Variants in SP3 observed in about 807,000 individuals in gnomAD.
The protein encoded by SP3 is Sp3 transcription factor.
SP3 carries 10 observed loss-of-function variants against 70.3 expected under a neutral mutation model. The observed-to-expected ratio is 0.14, with a 90% CI of 0.09 to 0.24. The LOEUF (loss-of-function observed/expected upper bound fraction) is 0.24, where lower values mean the gene tolerates loss of function less well. Among genes scored for constraint, SP3 ranks in the 10% least tolerant of loss-of-function variants. SP3 has a pLI of 1.00. For synonymous variants in SP3, 402 were observed against 333.5 expected, an observed-to-expected ratio of 1.21 and a Z score of -2.24; for missense variants, 825 against 914.6, an observed-to-expected ratio of 0.90 and a Z score of 1.26.
chr2:173,929,500 A>G (rs896924892), intron 4 of SP3, among the ~76,000 whole-genome samples: 2 of 152,192 alleles, frequency 1.3e-5, no homozygotes, highest in East Asian at 1.9e-4. Context: ...CCCTTCACAC[A>G]CACAATACAC....
intron 4 of SP3, among the ~76,000 whole-genome samples, chr2:173,923,340 C>A (rs1689809620): frequency 6.6e-6 from 1 of 151,508 alleles, no homozygotes; most frequent in Non-Finnish European, 1.5e-5. Context: ...GAGAAAAAAA[C>A]AGAAAATTTA....
At chr2:173,924,746 C>A (rs750666388) in intron 4 of SP3, among the ~76,000 whole-genome samples, 53 of 152,170 alleles carry the variant, frequency 3.5e-4, no homozygotes, top group Admixed American at 6.5e-4. Flanking sequence ...CCCTACCAGG[C>A]CAGTTCATTC....
intron 4 of SP3, among the ~76,000 whole-genome samples, chr2:173,950,165 C>T (rs183084999): frequency 1.3e-4 from 19 of 151,870 alleles, no homozygotes; most frequent in African/African-American, 4.6e-4. Context: ...GATTTGCCTT[C>T]TAAAGGATAA....
chr2:173,946,820 C>G (rs1198978050), intron 4 of SP3, among the ~76,000 whole-genome samples: 1 of 150,820 alleles, frequency 6.6e-6, no homozygotes, highest in African/African-American at 2.4e-5. Flanking sequence ...CTGCCAGGCT[C>G]AAGCAATCCT....
chr2:173,964,272 G>A (rs1691198519), intron 2 of SP3, 133 bp downstream of exon 2: 2 of 513,762 alleles, frequency 3.9e-6, no homozygotes, highest in African/African-American at 2.1e-5. Flanking sequence ...GGCAGCTCCC[G>A]GGGCGGGGGG....
intron 5 of SP3, 82 bp from the exon 6 acceptor site, chr2:173,913,348 T>C: frequency 9.6e-7 from 1 of 1,038,884 alleles, no homozygotes. Flanking sequence ...TATCCCCATG[T>C]TGAATTTTAA....
intron 4 of SP3, among the ~76,000 whole-genome samples, chr2:173,943,474 A>G (rs1574416089): frequency 6.6e-6 from 1 of 152,120 alleles, no homozygotes; most frequent in African/African-American, 2.4e-5. Context: ...TGGTTATTCC[A>G]TAACTCTGCT....
intron 2 of SP3, 28 bp from the exon 3 acceptor site, chr2:173,963,911 G>A (rs775657503): frequency 2.7e-5 from 39 of 1,428,528 alleles, no homozygotes; most frequent in East Asian, 8.7e-5. Context: ...GTTCAGAGAG[G>A]GAGACAGGGG....
At chr2:173,935,980 CCTTA>C (rs561465719) in intron 4 of SP3, among the ~76,000 whole-genome samples, 81 of 151,440 alleles carry the variant, frequency 5.3e-4, no homozygotes, top group African/African-American at 1.7e-3. Flanking sequence ...TTCCTTCCTT[CCTTA>C]CTTTCTCCCT....
At chr2:173,940,439 T>C (rs1690338280) in intron 4 of SP3, among the ~76,000 whole-genome samples, 1 of 152,230 alleles carries the variant, frequency 6.6e-6, no homozygotes, top group South Asian at 2.1e-4. Context: ...CAGCCAGTCA[T>C]GCTTATCGCC....
At chr2:173,921,191 A>G (rs1347578160) in intron 4 of SP3, among the ~76,000 whole-genome samples, 1 of 152,176 alleles carries the variant, frequency 6.6e-6, no homozygotes, top group Non-Finnish European at 1.5e-5. Flanking sequence ...TGTTAAAGAC[A>G]ATTTTTTTGC....
chr2:173,924,163 C>T (rs1229474349), intron 4 of SP3, among the ~76,000 whole-genome samples: 1 of 152,160 alleles, frequency 6.6e-6, no homozygotes, highest in African/African-American at 2.4e-5. Flanking sequence ...CCCCAAATGC[C>T]ATCTCCTTAG....
At chr2:173,946,696 T>C (rs1690548968) in intron 4 of SP3, among the ~76,000 whole-genome samples, 1 of 151,748 alleles carries the variant, frequency 6.6e-6, no homozygotes, top group Non-Finnish European at 1.5e-5. Context: ...TTCTGACATC[T>C]GTGTGGCTAA....
chr2:173,902,982 T>A lies in SP3; in HGVS notation c.*6959A>T, dbSNP rs778293151. ...AGTTGGGTGATAGATACTTAGGTAT[T>A]TGTTACATTGTTTTCTGCATTTTTC... On this transcript the variant is annotated 3_prime_UTR_variant, in exon 7 of 7. Coordinates refer to ENST00000310015, the MANE Select transcript of SP3 (RefSeq NM_003111.5). Among the ~76,000 whole-genome samples the A allele has an allele frequency of 5.3e-5, 8 of 152,200 alleles. No homozygotes were observed. Among genetic ancestry groups the A allele is most frequent in the Non-Finnish European group, 1.0e-4 (7 of 68,032 alleles).
At position 173,911,007 on chromosome 2, in the gene SP3, T is replaced by C. The variant is rs549597899; in HGVS notation, c.2030-750A>G. 1.4e-4 allele frequency among the ~76,000 whole-genome samples: 21 copies of C among 152,284 alleles called. No individual in the cohort carries two copies. The South Asian group carries it at 2.3e-3, about 17-fold the overall frequency. On this transcript the variant is annotated intron_variant, in intron 6 of 6. Transcript: ENST00000310015. The stretch of plus-strand genomic sequence containing the variant: ...TAAAAGGAATTCAGAGAGAAATCAA[T>C]AAAAATCAATCAATAAATCTAGTAA...
intron 4 of SP3, among the ~76,000 whole-genome samples, chr2:173,950,547 C>T (rs979614146): frequency 6.6e-6 from 1 of 151,502 alleles, no homozygotes; most frequent in African/African-American, 2.4e-5. Flanking sequence ...GGCATGGTGG[C>T]GCTAGCCTGT....
Position 173,955,427 on chromosome 2 carries a change from T to C in SP3, c.1085A>G (p.Gln362Arg), listed in dbSNP as rs758913623. The stretch of plus-strand genomic sequence containing the variant: ...TCCCTGAAGATCTGAAGAATGAACC[T>C]GCCCACTAGATGTAGTCAAGCTATT... Reference protein sequence around the residue: ...NTNSLTTSSGQVHSSDLQGNY... With the variant: ...NTNSLTTSSGRVHSSDLQGNY... Residue 362 changes from glutamine (Q) to arginine (R), a missense_variant, in exon 4 of 7, where the codon CAG (glutamine) becomes CGG (arginine). By Grantham distance (43) the Gln-to-Arg change is conservative (BLOSUM62 1). Around this residue, in one of 4 missense-constraint regions of SP3, gnomAD observed 678 missense variants for 651.6 expected, o/e 1.04. Coordinates refer to ENST00000310015, the MANE Select transcript of SP3 (RefSeq NM_003111.5). 6.8e-6 allele frequency: 11 copies of C among 1,614,174 alleles called. No homozygotes were observed. In the Admixed American group the frequency reaches 1.7e-4, roughly 24 times the overall value.
intron 4 of SP3, among the ~76,000 whole-genome samples, chr2:173,943,624 C>G (rs1450357685): frequency 1.3e-5 from 2 of 152,172 alleles, no homozygotes; most frequent in Non-Finnish European, 2.9e-5. Context: ...AACCACTGCT[C>G]CCTGCGCTGC....
At chr2:173,910,668 C>T (rs1444212877) in intron 6 of SP3, among the ~76,000 whole-genome samples, 1 of 152,096 alleles carries the variant, frequency 6.6e-6, no homozygotes, top group East Asian at 1.9e-4. Context: ...GTTCATGATA[C>T]TAAACCTTCA....
Sources: gnomAD v4.1 joint callset for allele counts (sites outside exome capture counted in the v4.1 genomes callset) on GRCh38, gnomAD v4.1.1 for gene constraint, gnomAD v4.1.1 regional missense constraint, MANE v1.5 for transcripts, NCBI Gene and HGNC (gene_info 2026-07-23, HGNC 2026-07-21) for gene names.